The following PITRM1 variants were observed in gnomAD, a reference collection of about 807,000 sequenced individuals.
PITRM1 encodes the protein presequence protease, mitochondrial.
In PITRM1, 100 loss-of-function variants were observed where a neutral mutation model predicts 129.9. The ratio of observed to expected loss-of-function variants is 0.77; its 90% confidence interval spans 0.65 to 0.91. The LOEUF is 0.91. Among genes scored for constraint, PITRM1 ranks in the 40% least tolerant of loss-of-function variants. The pLI is 0.00. For synonymous variants in PITRM1, 591 were observed against 508.8 expected (o/e 1.16, Z -2.17); for missense variants, 1,471 against 1,318.3 (o/e 1.12, Z -1.79).
intron 7 of PITRM1, among the ~76,000 whole-genome samples, chr10:3,162,736 C>T (rs1842551941): frequency 6.6e-6 from 1 of 152,200 alleles, no homozygotes; most frequent in African/African-American, 2.4e-5. Context: ...CACCCAACAC[C>T]AGGCGGGAAC....
chr10:3,154,845 C>A (rs1841836571), intron 14 of PITRM1, among the ~76,000 whole-genome samples: 1 of 152,150 alleles, frequency 6.6e-6, no homozygotes, highest in Non-Finnish European at 1.5e-5. Flanking sequence ...CCCGGCTGCT[C>A]CCCCAGCGGC....
rs1394986704 is a variant in PITRM1, at chr10:3,163,756, G to A, written c.760C>T (p.His254Tyr). 1 of 1,612,298 alleles carries A rather than the reference G, an allele frequency of 6.2e-7. No homozygotes were observed. Among genetic ancestry groups the A allele is most frequent in the South Asian group, 1.1e-5 (1 of 90,572 alleles). Residue 254 changes from histidine (H) to tyrosine (Y), a missense_variant, in exon 7 of 27, where the codon CAT becomes TAT. By Grantham distance (83) the His-to-Tyr change is moderately conservative (BLOSUM62 2). Transcript: ENST00000224949. ...TTGCTTGGGTGATAGTGAGTGGCAT[G>A]AAACTGCTTAAGCTGCTCCCATGTA... ...ELTWEQLKQF[H>Y]ATHYHPSNAR...
chr10:3,140,642 A>T, intron 24 of PITRM1, 45 bp downstream of exon 24: 1 of 1,547,992 alleles, frequency 6.5e-7, no homozygotes, highest in Non-Finnish European at 8.8e-7. Context: ...GTAGAAGACT[A>T]AAACGACGTG....
intron 22 of PITRM1, chr10:3,143,875 A>G (rs1825685280): frequency 1.9e-6 from 1 of 535,414 alleles, no homozygotes; most frequent in Non-Finnish European, 3.5e-6. Context: ...AAATCACTCT[A>G]CTCCACAAGG....
chr10:3,157,608 A>G (rs906551898), intron 11 of PITRM1, 77 bp from the exon 12 acceptor site: 6 of 923,140 alleles, frequency 6.5e-6, no homozygotes, highest in Non-Finnish European at 1.0e-5. Context: ...TTGGGAGGCC[A>G]AGGCAGGAGG....
At position 3,155,577 on chromosome 10, in the gene PITRM1, A is replaced by G; in HGVS notation, c.1621+14T>C. ...CAGGTTAGGGACTCGCCAGCTCGGA[A>G]GGAAGCCTCTGACCTTTCTCGTAGA... On this transcript the variant is annotated intron_variant, in intron 14 of 26. Coordinates refer to ENST00000224949, the MANE Select transcript of PITRM1 (RefSeq NM_014889.4). 6.2e-7 allele frequency: 1 copy of G among 1,613,746 alleles called. No individual in the cohort carries two copies. Among genetic ancestry groups the G allele is most frequent in the Non-Finnish European group, 8.5e-7 (1 of 1,179,768 alleles).
At chr10:3,150,533 G>GTGCAA (rs1260778860) in intron 15 of PITRM1, among the ~76,000 whole-genome samples, 1 of 152,180 alleles carries the variant, frequency 6.6e-6, no homozygotes, top group Non-Finnish European at 1.5e-5. Context: ...CGTCCTCAAG[G>GTGCAA]TGCAAGTGAG....
At chr10:3,149,543 C>A in intron 16 of PITRM1, 78 bp downstream of exon 16, 1 of 1,362,758 alleles carries the variant, frequency 7.3e-7, no homozygotes, top group East Asian at 2.5e-5. Flanking sequence ...AAGGTAATTC[C>A]TACTGATGCA....
intron 20 of PITRM1, chr10:3,146,359 A>G (rs1840862749): frequency 6.6e-6 from 1 of 152,474 alleles, no homozygotes; most frequent in South Asian, 2.1e-4. Flanking sequence ...CCTTGCAGAT[A>G]TTCTTTCTTT....
Position 3,149,730 on chromosome 10 carries a change from A to T in PITRM1, c.1762T>A (p.Cys588Ser). The T allele has an allele frequency of 1.9e-6, 3 of 1,613,344 alleles. No homozygotes were observed. Among genetic ancestry groups the T allele is most frequent in the Non-Finnish European group, 2.5e-6 (3 of 1,179,726 alleles). ...ACCATGCCATTGGTGGGCTGGGCGC[A>T]GTACTGAACAGGGATATCTCCAGCT... ...LTAGDIPVQY[C>S]AQPTNGMVYF... Residue 588 changes from cysteine to serine, a missense_variant, in exon 16 of 27, where the codon TGC becomes AGC. Cys to Ser is a moderately radical substitution (Grantham distance 112). Coordinates refer to ENST00000224949, the MANE Select transcript of PITRM1 (RefSeq NM_014889.4).
At chr10:3,147,103 T>C in intron 20 of PITRM1, 47 bp downstream of exon 20, 3 of 1,050,916 alleles carry the variant, frequency 2.9e-6, no homozygotes, top group East Asian at 2.4e-5. Flanking sequence ...AAAACTATAC[T>C]TAATAGAATG....
chr10:3,148,004 C>G lies in PITRM1; in HGVS notation c.2052G>C (p.Trp684Cys). 1 of 1,612,486 alleles carries G rather than the reference C, an allele frequency of 6.2e-7. No homozygotes were observed. Among genetic ancestry groups the G allele is most frequent in the South Asian group, 1.1e-5 (1 of 91,042 alleles). ...DRNLPDMMQL[W>C]SEIFNNPCFE... ...AAAGTTACTTGTTAAATATTTCACT[C>G]CATAGCTGCATCATGTCTGGCAGGT... is the stretch of plus-strand genomic sequence containing the variant. The change falls in exon 18 of 27, where the codon TGG becomes TGC. Residue 684 changes from tryptophan to cysteine, a missense_variant. By Grantham distance (215) the Trp-to-Cys change is radical. Transcript: ENST00000224949.
chr10:3,144,670 T>A (rs1019838699), intron 21 of PITRM1, among the ~76,000 whole-genome samples: 1 of 152,020 alleles, frequency 6.6e-6, no homozygotes, highest in Non-Finnish European at 1.5e-5. Flanking sequence ...CTGGGCATGG[T>A]GGTGCACACC....
chr10:3,164,241 A>G (rs1842687656), intron 6 of PITRM1: 1 of 156,444 alleles, frequency 6.4e-6, no homozygotes, highest in Non-Finnish European at 1.4e-5. Flanking sequence ...CTTGAGTTCA[A>G]GAAGACTCCT....
chr10:3,148,617 TTA>T (rs1163855274), intron 16 of PITRM1: 4 of 254,650 alleles, frequency 1.6e-5, no homozygotes, highest in African/African-American at 8.7e-5. Context: ...AATAAATGTT[TTA>T]TGACTACTCC....
Position 3,145,488 on chromosome 10 carries a change from C to G in PITRM1, c.2457+108G>C. 2.1e-5 allele frequency: 19 copies of G among 894,196 alleles called. No individual in the cohort carries two copies. In the South Asian group the frequency reaches 3.1e-4, roughly 15 times the overall value. 55.4% of individuals were successfully genotyped at this position (894,196 alleles called of 1,614,324 possible). On this transcript the variant is annotated intron_variant, in intron 21 of 26. Coordinates refer to ENST00000224949, the MANE Select transcript of PITRM1 (RefSeq NM_014889.4). The stretch of plus-strand genomic sequence containing the variant: ...TTCATCTGCGTACGGGGGATATGAA[C>G]CCCCACATGCTGGACTGCTCTGAGA...
At chr10:3,172,827 C>A, upstream of PITRM1, 3 of 1,514,334 alleles carry the variant, frequency 2.0e-6, no homozygotes, top group Non-Finnish European at 2.7e-6. Flanking sequence ...CGACGCAGGG[C>A]GCGGGGCGGG....
chr10:3,157,727 C>T (rs1365155513), intron 11 of PITRM1, among the ~76,000 whole-genome samples, 196 bp from the exon 12 acceptor site: 3 of 152,130 alleles, frequency 2.0e-5, no homozygotes, highest in South Asian at 2.1e-4. Flanking sequence ...GTTCCAGCTA[C>T]TTGGGAGGCT....
rs187594994 is a variant in PITRM1, at chr10:3,141,255, G to A, written c.2646-443C>T. On this transcript the variant is annotated intron_variant, in intron 23 of 26. Coordinates refer to ENST00000224949, the MANE Select transcript of PITRM1 (RefSeq NM_014889.4). The stretch of plus-strand genomic sequence containing the variant: ...AATTAACCAAAACTAAAAAGCACAA[G>A]GAAGCACAATTTTCAAACAGTTGGC... 3.6e-3 allele frequency among the ~76,000 whole-genome samples: 547 copies of A among 150,640 alleles called. 3 individuals are homozygous for A. Among genetic ancestry groups the A allele is most frequent in the African/African-American group, 0.012 (507 of 41,520 alleles).
Sources: allele counts gnomAD v4.1 joint callset (sites outside exome capture counted in the v4.1 genomes callset), GRCh38; gene constraint gnomAD v4.1.1; transcripts MANE v1.5; gene names NCBI Gene and HGNC (gene_info 2026-07-23, HGNC 2026-07-21).